The following RIF1 variants were observed in gnomAD, a reference collection of about 807,000 sequenced individuals.
The protein encoded by RIF1 is telomere-associated protein RIF1.
RIF1 carries 45 observed loss-of-function variants against 247.1 expected under a neutral mutation model. That is an observed-to-expected ratio of 0.18 (90% CI 0.14 to 0.23). RIF1 has a LOEUF of 0.23. Ranked by LOEUF, RIF1 falls within the 10% of genes least tolerant of loss-of-function variation. The pLI is 1.00. For missense variants in RIF1, 2,967 were observed against 2,862.5 expected (o/e 1.04, Z -0.83); for synonymous variants, 1,087 against 978.8 (o/e 1.11, Z -2.06).
chr2:151,437,588 G>A (rs1052003421), intron 13 of RIF1, among the ~76,000 whole-genome samples: 2 of 152,132 alleles, frequency 1.3e-5, no homozygotes, highest in African/African-American at 4.8e-5. Flanking sequence ...CTACTCGGGA[G>A]GCGGAGGCAT....
At chr2:151,507,649 C>T in intron 13 of RIF1, 1 of 224,108 alleles carries the variant, frequency 4.5e-6, no homozygotes, top group East Asian at 1.0e-4. Context: ...ACATATTTCC[C>T]TGTTTCTTTG....
At chr2:151,489,357 C>G (rs6718372) in intron 9 of RIF1, among the ~76,000 whole-genome samples, 60,456 of 151,872 alleles carry the variant, frequency 0.4, 12,179 homozygotes, top group African/African-American at 0.43. Context: ...TAGGGGAGAT[C>G]TAAGATAAGG....
chr2:151,524,361 C>A, the RIF1 span: 1 of 1,613,808 alleles, frequency 6.2e-7, no homozygotes, highest in African/African-American at 1.3e-5. Flanking sequence ...TCTGGGCGAC[C>A]GAGCATGCTT....
intron 9 of RIF1, chr2:151,491,956 A>C: frequency 9.6e-7 from 1 of 1,042,118 alleles, no homozygotes; most frequent in Non-Finnish European, 1.4e-6. Context: ...TTTGTAAACT[A>C]TGAGATAATA....
chr2:151,428,736 T>A, intron 8 of RIF1, 48 bp from the exon 9 acceptor site: 2 of 1,432,756 alleles, frequency 1.4e-6, no homozygotes, highest in South Asian at 2.3e-5. Context: ...GCAATTATTC[T>A]GTTTCATGCA....
At chr2:151,524,965 C>T in the RIF1 span, among the ~76,000 whole-genome samples, 16 of 152,174 alleles carry the variant, frequency 1.1e-4, 1 homozygote, top group South Asian at 2.3e-3. Context: ...CACGCCCAGC[C>T]GAGATATGCT....
At position 151,437,460 on chromosome 2, in the gene RIF1, G is replaced by A. The variant is rs1691447417; in HGVS notation, c.1483+109G>A. ...AATCCCAGCACTTTGGGAGGCCGAG[G>A]TGAGTGGATCACTTGAGCTCAGGAG... On this transcript the variant is annotated intron_variant, in intron 13 of 35. Coordinates refer to ENST00000444746, the MANE Select transcript of RIF1 (RefSeq NM_018151.5). The A allele has an allele frequency of 1.3e-5, 10 of 788,238 alleles. No individual in the cohort carries two copies. The South Asian group carries it at 1.4e-4, about 11-fold the overall frequency. The allele number at this position is 788,238 out of a possible 1,614,324, so 48.8% of individuals were successfully genotyped here. A position where few individuals can be genotyped will look rare whatever the true frequency, so the allele number is the denominator to read the frequency against.
chr2:151,524,312 T>C, the RIF1 span: 1 of 1,613,528 alleles, frequency 6.2e-7, no homozygotes, highest in Non-Finnish European at 8.5e-7. Context: ...CTGCATTACC[T>C]GGCTGCTCAG....
At position 151,428,720 on chromosome 2, in the gene RIF1, A is replaced by T. The variant is rs1689545418; in HGVS notation, c.787-64A>T. ...ATCTGTTAAGTGAATGAATAAAGGA[A>T]TGATAGCAATTATTCTGTTTCATGC... On this transcript the variant is annotated intron_variant, in intron 8 of 35. Coordinates refer to ENST00000444746, the MANE Select transcript of RIF1 (RefSeq NM_018151.5). 7 of 1,253,666 alleles carry T rather than the reference A, an allele frequency of 5.6e-6. No individual in the cohort carries two copies. In the South Asian group the frequency reaches 7.4e-5, roughly 13 times the overall value. 77.7% of individuals were successfully genotyped at this position (1,253,666 alleles called of 1,614,324 possible). A position where few individuals can be genotyped will look rare whatever the true frequency, so the allele number is the denominator to read the frequency against.
chr2:151,439,243 A>G (rs1691797398), intron 14 of RIF1, among the ~76,000 whole-genome samples: 1 of 152,200 alleles, frequency 6.6e-6, no homozygotes, highest in African/African-American at 2.4e-5. Flanking sequence ...GAAAGTCTGA[A>G]TAGGAGTGGA....
At chr2:151,526,826 C>A in the RIF1 span, 1 of 947,334 alleles carries the variant, frequency 1.1e-6, no homozygotes, top group Non-Finnish European at 1.7e-6. Flanking sequence ...GGAAGCAGCT[C>A]TTCTCCATCC....
intron 10 of RIF1, among the ~76,000 whole-genome samples, chr2:151,433,572 A>G (rs1690572082): frequency 6.6e-6 from 1 of 152,094 alleles, no homozygotes; most frequent in Admixed American, 6.6e-5. Flanking sequence ...CTCCTGTGTC[A>G]GTCTCCCGAG....
chr2:151,520,497 C>CTAA, the RIF1 span, among the ~76,000 whole-genome samples: 1 of 152,106 alleles, frequency 6.6e-6, no homozygotes, highest in Non-Finnish European at 1.5e-5. Context: ...ATGCCTTGCA[C>CTAA]TAATAGTTGC....
intron 7 of RIF1, among the ~76,000 whole-genome samples, chr2:151,422,649 GC>G (rs1401300336): frequency 6.6e-6 from 1 of 151,788 alleles, no homozygotes; most frequent in African/African-American, 2.4e-5. Context: ...ATGGGCGTCT[GC>G]CACCATGCCC....
At chr2:151,524,785 G>A in the RIF1 span, among the ~76,000 whole-genome samples, 2 of 143,246 alleles carry the variant, frequency 1.4e-5, no homozygotes, top group Non-Finnish European at 3.0e-5. Flanking sequence ...TTCTGCCTCA[G>A]CCTCCCGAGT....
intron 3 of RIF1, 63 bp downstream of exon 3, chr2:151,411,401 G>GT (rs375522651): frequency 1.8e-5 from 20 of 1,102,938 alleles, no homozygotes; most frequent in South Asian, 4.2e-5. Context: ...TTTTGGTTTT[G>GT]TTTTTTTGTT....
intron 9 of RIF1, chr2:151,491,638 C>G (rs780363822): frequency 5.6e-6 from 8 of 1,425,862 alleles, no homozygotes; most frequent in Non-Finnish European, 6.8e-6. Flanking sequence ...CTCTAGCATA[C>G]TAAATGGTGA....
the RIF1 span, chr2:151,519,150 A>G: frequency 1.1e-6 from 1 of 892,504 alleles, no homozygotes; most frequent in Non-Finnish European, 1.8e-6. Context: ...GAGATAGCCC[A>G]TCGTCAAACA....
chr2:151,442,521 AAAC>A (rs571894425), intron 16 of RIF1, among the ~76,000 whole-genome samples: 177 of 152,214 alleles, frequency 1.2e-3, no homozygotes, highest in African/African-American at 4.1e-3. Flanking sequence ...GTGAATGAAA[AAAC>A]TATTTTCCTG....
Sources: allele counts gnomAD v4.1 joint callset (sites outside exome capture counted in the v4.1 genomes callset), GRCh38; gene constraint gnomAD v4.1.1; transcripts MANE v1.5; gene names NCBI Gene and HGNC (gene_info 2026-07-23, HGNC 2026-07-21).